The following CWC27 variants were observed in gnomAD, a reference collection of about 807,000 sequenced individuals.
CWC27 encodes CWC27 spliceosome associated cyclophilin.
Under a neutral mutation model 63.6 loss-of-function variants are expected in CWC27, and 47 were observed. The ratio of observed to expected loss-of-function variants is 0.74; its 90% CI spans 0.58 to 0.94. The LOEUF (loss-of-function observed/expected upper bound fraction) is 0.94. Ranked by LOEUF, CWC27 falls within the 40% of genes least tolerant of loss-of-function variation. The pLI, the probability that CWC27 is intolerant of heterozygous loss-of-function variation, is 0.00. For missense variants in CWC27, 495 were observed against 554.3 expected (o/e 0.89, Z 1.07); for synonymous variants, 175 against 179.8 (o/e 0.97, Z 0.22).
intron 13 of CWC27, among the ~76,000 whole-genome samples, chr5:64,995,264 G>A (rs879505004): frequency 5.9e-5 from 9 of 152,062 alleles, no homozygotes; most frequent in South Asian, 2.1e-4. Flanking sequence ...GAGCCACGGC[G>A]CCTGGCCTAT....
intron 1 of CWC27, among the ~76,000 whole-genome samples, chr5:64,773,096 C>T (rs1200161029): frequency 6.6e-6 from 1 of 151,916 alleles, no homozygotes; most frequent in Non-Finnish European, 1.5e-5. Flanking sequence ...ATCATAAGAA[C>T]ATGATAGAGC....
chr5:64,779,321 CGAT>C (rs1289193518), intron 2 of CWC27, among the ~76,000 whole-genome samples: 1 of 152,146 alleles, frequency 6.6e-6, no homozygotes, highest in Non-Finnish European at 1.5e-5. Context: ...CTGCCTAACT[CGAT>C]GATTGGCTCA....
At chr5:64,855,883 C>A (rs1262749243) in intron 10 of CWC27, among the ~76,000 whole-genome samples, 1 of 151,990 alleles carries the variant, frequency 6.6e-6, no homozygotes, top group African/African-American at 2.4e-5. Flanking sequence ...GAAAGAAATT[C>A]TTTCCTGTTT....
chr5:64,983,830 TTTG>T (rs545767063), intron 13 of CWC27, among the ~76,000 whole-genome samples: 3 of 152,008 alleles, frequency 2.0e-5, no homozygotes, highest in African/African-American at 7.3e-5. Context: ...TTCTTTTACT[TTTG>T]TTGTTGTTGT....
intron 11 of CWC27, among the ~76,000 whole-genome samples, chr5:64,893,589 A>G (rs1242556180): frequency 1.3e-5 from 2 of 152,128 alleles, no homozygotes; most frequent in African/African-American, 4.8e-5. Context: ...AACTCAGATA[A>G]TCCCTAAATT....
chr5:64,896,133 G>A (rs747759164), intron 11 of CWC27, among the ~76,000 whole-genome samples: 12 of 152,114 alleles, frequency 7.9e-5, no homozygotes, highest in South Asian at 2.1e-4. Context: ...AAAAGCAGTC[G>A]GAAAAGATAT....
chr5:64,832,266 CA>C (rs34600448), intron 10 of CWC27, among the ~76,000 whole-genome samples: 52,968 of 151,188 alleles, frequency 0.35, 9,633 homozygotes, highest in East Asian at 0.5. Context: ...CTGTAATATC[CA>C]AAAAATCACA....
intron 10 of CWC27, among the ~76,000 whole-genome samples, chr5:64,826,993 G>A (rs1745380339): frequency 3.9e-5 from 6 of 152,018 alleles, no homozygotes; most frequent in Admixed American, 3.9e-4. Context: ...CCACTTTTAA[G>A]CAAATTGTAG....
At chr5:65,001,441 G>A (rs1362828517) in intron 13 of CWC27, among the ~76,000 whole-genome samples, 1 of 152,064 alleles carries the variant, frequency 6.6e-6, no homozygotes. Context: ...TCAGTATGAT[G>A]TCAGCTGTGA....
chr5:64,845,621 T>G (rs1027338097), intron 10 of CWC27, among the ~76,000 whole-genome samples: 2 of 152,104 alleles, frequency 1.3e-5, no homozygotes, highest in Non-Finnish European at 2.9e-5. Flanking sequence ...CATTGGTGGA[T>G]TTGATAGAGC....
At chr5:64,895,310 C>T (rs533656955) in intron 11 of CWC27, among the ~76,000 whole-genome samples, 52 of 133,788 alleles carry the variant, frequency 3.9e-4, no homozygotes, top group African/African-American at 1.5e-3. Flanking sequence ...AAAAGACCAA[C>T]AACCTAACAG....
chr5:64,811,609 T>G (rs1287610470), intron 10 of CWC27, among the ~76,000 whole-genome samples: 1 of 152,058 alleles, frequency 6.6e-6, no homozygotes, highest in Non-Finnish European at 1.5e-5. Flanking sequence ...GAACAGGTTC[T>G]AACTTTATCA....
At chr5:64,853,760 C>A (rs144980441) in intron 10 of CWC27, among the ~76,000 whole-genome samples, 81 of 152,266 alleles carry the variant, frequency 5.3e-4, no homozygotes, top group African/African-American at 1.9e-3. Flanking sequence ...GAAGGATCTG[C>A]CCCCATGACC....
At chr5:64,866,257 A>G (rs563292482) in intron 10 of CWC27, among the ~76,000 whole-genome samples, 1 of 152,040 alleles carries the variant, frequency 6.6e-6, no homozygotes, top group Non-Finnish European at 1.5e-5. Context: ...TTTCTCCCCA[A>G]ATCATCACAT....
At chr5:64,946,359 A>G (rs35082346) in intron 11 of CWC27, among the ~76,000 whole-genome samples, 4,784 of 152,296 alleles carry the variant, frequency 0.031, 112 homozygotes, top group Middle Eastern at 0.065. Context: ...CAAATAATAT[A>G]TCTAGCACTA....
chr5:64,980,855 G>A (rs962291444), intron 13 of CWC27, among the ~76,000 whole-genome samples: 3 of 152,182 alleles, frequency 2.0e-5, no homozygotes, highest in Admixed American at 2.0e-4. Context: ...ACTTTGGGAG[G>A]CCAAGGCAGG....
At chr5:64,885,698 G>GTGTGTGTGTGTGTGT in intron 11 of CWC27, 152 bp downstream of exon 11, 30 of 259,608 alleles carry the variant, frequency 1.2e-4, no homozygotes, top group Admixed American at 1.7e-4. Flanking sequence ...CTTGAGTTAG[G>GTGTGTGTGTGTGTGT]GTGTGTGTGT....
intron 11 of CWC27, among the ~76,000 whole-genome samples, chr5:64,896,423 T>C (rs995945292): frequency 6.6e-6 from 1 of 152,162 alleles, no homozygotes; most frequent in Non-Finnish European, 1.5e-5. Context: ...AAAACAATGA[T>C]AATGTCTTAT....
chr5:64,976,780 G>C (rs1309582), intron 12 of CWC27, among the ~76,000 whole-genome samples: 23,070 of 152,124 alleles, frequency 0.15, 1,957 homozygotes, highest in Non-Finnish European at 0.19. Flanking sequence ...GGGCTCAAAA[G>C]ATCCTCCCAC....
Sources: gnomAD v4.1 joint callset for allele counts (sites outside exome capture counted in the v4.1 genomes callset) on GRCh38, gnomAD v4.1.1 for gene constraint, MANE v1.5 for transcripts, NCBI Gene and HGNC (gene_info 2026-07-23, HGNC 2026-07-21) for gene names.